MALRD1: variants seen among roughly 807,000 people sequenced by gnomAD.
MALRD1 encodes MAM and LDL receptor class A domain containing 1, also known as MAM and LDL-receptor class A domain-containing protein 1.
In MALRD1, 247 loss-of-function variants were observed where a neutral mutation model predicts 242.1. The ratio of observed to expected loss-of-function variants is 1.02; its 90% CI spans 0.92 to 1.13. The LOEUF (loss-of-function observed/expected upper bound fraction) is 1.13, where lower values mean the gene tolerates loss of function less well. MALRD1 is among the 50% of genes most tolerant of loss of function. The pLI, the probability that MALRD1 is intolerant of heterozygous loss-of-function variation, is 0.00. For missense variants in MALRD1, 2,989 were observed against 2,533.1 expected (o/e 1.18, Z -3.86); for synonymous variants, 995 against 866.6 (o/e 1.15, Z -2.60).
chr10:19,627,821 A>C (rs947265917), intron 36 of MALRD1, among the ~76,000 whole-genome samples: 5 of 151,780 alleles, frequency 3.3e-5, no homozygotes, highest in African/African-American at 1.2e-4. Context: ...GGCCAGGAGG[A>C]AAATATACAG....
chr10:19,593,435 G>A (rs1278650290), intron 33 of MALRD1, among the ~76,000 whole-genome samples: 2 of 152,066 alleles, frequency 1.3e-5, no homozygotes, highest in African/African-American at 4.8e-5. Context: ...TTTTTTAAAT[G>A]AATTTGCTAT....
At chr10:19,057,167 A>C (rs1232065411) in intron 1 of MALRD1, among the ~76,000 whole-genome samples, 1 of 152,136 alleles carries the variant, frequency 6.6e-6, no homozygotes, top group East Asian at 1.9e-4. Context: ...CTTTATTATC[A>C]AGGTAACGCT....
chr10:19,327,726 C>T, intron 23 of MALRD1, 53 bp downstream of exon 23: 2 of 1,363,914 alleles, frequency 1.5e-6, no homozygotes, highest in African/African-American at 1.4e-5. Flanking sequence ...TTTTTTTCAT[C>T]CTCATTTATT....
intron 28 of MALRD1, among the ~76,000 whole-genome samples, chr10:19,401,904 A>C (rs2130856070): frequency 6.6e-6 from 1 of 152,268 alleles, no homozygotes; most frequent in South Asian, 2.1e-4. Context: ...ATTTTGAAGA[A>C]CTCTAATACC....
chr10:19,460,887 A>C (rs1484465328), intron 29 of MALRD1, among the ~76,000 whole-genome samples: 1 of 152,136 alleles, frequency 6.6e-6, no homozygotes, highest in Non-Finnish European at 1.5e-5. Context: ...CAGTCCGGGA[A>C]TTCCTGTATG....
At chr10:19,070,258 C>A (rs906362865) in intron 2 of MALRD1, among the ~76,000 whole-genome samples, 2 of 152,118 alleles carry the variant, frequency 1.3e-5, no homozygotes, top group Admixed American at 1.3e-4. Context: ...TACTGAGAAC[C>A]ATAGCTTAGC....
At chr10:19,636,617 G>A (rs1840136220) in intron 36 of MALRD1, among the ~76,000 whole-genome samples, 1 of 152,088 alleles carries the variant, frequency 6.6e-6, no homozygotes, top group African/African-American at 2.4e-5. Flanking sequence ...CCAGTACAGT[G>A]GCCCAGTACA....
chr10:19,260,953 A>T (rs555029092), intron 19 of MALRD1, among the ~76,000 whole-genome samples: 1 of 152,294 alleles, frequency 6.6e-6, no homozygotes, highest in South Asian at 2.1e-4. Context: ...AGTAGTGTGG[A>T]TGAGAATACA....
intron 10 of MALRD1, among the ~76,000 whole-genome samples, chr10:19,140,590 T>C (rs539474965): frequency 4.5e-4 from 64 of 142,480 alleles, no homozygotes; most frequent in African/African-American, 1.5e-3. Flanking sequence ...GTATATGTGT[T>C]CACAATGGAA....
chr10:19,118,103 T>C (rs557385293), intron 5 of MALRD1, among the ~76,000 whole-genome samples: 22 of 152,208 alleles, frequency 1.4e-4, no homozygotes, highest in Admixed American at 1.3e-3. Context: ...GTTCTAGAAA[T>C]GAGGATGAGA....
intron 12 of MALRD1, among the ~76,000 whole-genome samples, chr10:19,158,821 A>G (rs1375088789): frequency 1.3e-5 from 2 of 152,172 alleles, no homozygotes; most frequent in African/African-American, 2.4e-5. Flanking sequence ...CACTCTACAA[A>G]TCTCTCTCAA....
intron 18 of MALRD1, among the ~76,000 whole-genome samples, chr10:19,248,465 G>A (rs1839161231): frequency 6.6e-6 from 1 of 151,414 alleles, no homozygotes; most frequent in South Asian, 2.1e-4. Context: ...CTTGGTAGAT[G>A]TTACAATTTT....
At chr10:19,121,238 A>G (rs1466200660) in intron 5 of MALRD1, among the ~76,000 whole-genome samples, 3 of 145,748 alleles carry the variant, frequency 2.1e-5, no homozygotes, top group African/African-American at 5.1e-5. Context: ...ATGGGGTTTC[A>G]CCATGTTGGC....
chr10:19,501,635 T>C (rs1216014132), intron 31 of MALRD1, among the ~76,000 whole-genome samples: 1 of 152,214 alleles, frequency 6.6e-6, no homozygotes, highest in East Asian at 1.9e-4. Flanking sequence ...TATGAATGAC[T>C]GTGAGCATGG....
At chr10:19,155,820 A>C (rs1834122612) in intron 12 of MALRD1, among the ~76,000 whole-genome samples, 1 of 152,216 alleles carries the variant, frequency 6.6e-6, no homozygotes, top group South Asian at 2.1e-4. Flanking sequence ...CAAGGATTAA[A>C]ATGTGATTAA....
intron 29 of MALRD1, among the ~76,000 whole-genome samples, chr10:19,456,928 A>G (rs1210385543): frequency 1.3e-5 from 2 of 152,090 alleles, no homozygotes; most frequent in African/African-American, 4.8e-5. Flanking sequence ...ATGCACCACC[A>G]TGCCCAGCTA....
At chr10:19,179,009 C>T (rs984173885) in intron 14 of MALRD1, among the ~76,000 whole-genome samples, 5 of 152,104 alleles carry the variant, frequency 3.3e-5, no homozygotes, top group African/African-American at 4.8e-5. Context: ...AAACTAGAGG[C>T]GATGAATGAA....
chr10:19,314,251 T>C (rs929559022), intron 21 of MALRD1, among the ~76,000 whole-genome samples: 4 of 151,580 alleles, frequency 2.6e-5, no homozygotes, highest in African/African-American at 7.3e-5. Context: ...GTTGAATGCA[T>C]TGAAAAAATT....
At chr10:19,132,796 T>G (rs558602506) in intron 8 of MALRD1, among the ~76,000 whole-genome samples, 6 of 152,246 alleles carry the variant, frequency 3.9e-5, no homozygotes, top group East Asian at 1.9e-4. Flanking sequence ...GTTCTATTTT[T>G]GGGAAGAAAT....
Sources: gnomAD v4.1 joint callset for allele counts (sites outside exome capture counted in the v4.1 genomes callset) on GRCh38, gnomAD v4.1.1 for gene constraint, MANE v1.5 for transcripts, NCBI Gene and HGNC (gene_info 2026-07-23, HGNC 2026-07-21) for gene names.